The following ZNF726 variants were observed in gnomAD, a reference collection of about 807,000 sequenced individuals.
ZNF726 encodes zinc finger protein 92 pseudogene 3.
ZNF726 carries 15 observed loss-of-function variants against 11.6 expected under a neutral mutation model. That is an observed-to-expected ratio of 1.29 (90% CI 0.86 to 1.99). ZNF726 has a LOEUF of 1.99. Among genes scored for constraint, ZNF726 ranks in the 30% most tolerant of loss-of-function variants. ZNF726 has a pLI of 0.00. For missense variants in ZNF726, 890 were observed against 725.6 expected (o/e 1.23, Z -2.60); for synonymous variants, 295 against 243.6 (o/e 1.21, Z -1.96).
At chr19:23,929,172 A>G (rs1353524437) in intron 3 of ZNF726, 4 of 152,006 alleles carry the variant, frequency 2.6e-5, no homozygotes, top group African/African-American at 9.7e-5. Context: ...CCTCAGTGGT[A>G]TTTTTTATAT....
intron 3 of ZNF726, among the ~76,000 whole-genome samples, chr19:23,930,199 A>T (rs1359253340): frequency 6.6e-6 from 1 of 152,172 alleles, no homozygotes; most frequent in Non-Finnish European, 1.5e-5. Flanking sequence ...AATACATTTA[A>T]ATCAAATATT....
downstream of ZNF726, among the ~76,000 whole-genome samples, chr19:23,936,694 T>C: frequency 6.7e-6 from 1 of 148,812 alleles, no homozygotes; most frequent in Admixed American, 6.6e-5. Flanking sequence ...TTATGCATTA[T>C]CATGAAAGAA....
intron 3 of ZNF726, chr19:23,923,969 T>C (rs1967920474): frequency 6.6e-6 from 1 of 152,206 alleles, no homozygotes; most frequent in South Asian, 2.1e-4. Context: ...AGTCAAATTA[T>C]ATATATGTGT....
chr19:23,941,777 C>T (rs1968342740), intron 3 of ZNF726, among the ~76,000 whole-genome samples: 1 of 151,900 alleles, frequency 6.6e-6, no homozygotes, highest in South Asian at 2.1e-4. Flanking sequence ...TCATAGTAGC[C>T]TTGAATAATT....
rs199925336 is a variant in ZNF726, at chr19:23,930,971, CTTCTTTTT to C, written c.227-1362_227-1355del. ...CGTATTAAACAGCTACCAATTTTTC[CTTCTTTTT>C]TTCTTTTTTGAGATGGAGTCTTATT... On this transcript the variant is annotated intron_variant, in intron 3 of 3. Coordinates refer to ENST00000594466, the MANE Select transcript of ZNF726 (RefSeq NM_001244038.2). Among the ~76,000 whole-genome samples the C allele has an allele frequency of 4.9e-4, 75 of 152,074 alleles. No homozygotes were observed. In the East Asian group the frequency reaches 0.013, roughly 27 times the overall value.
At chr19:23,935,535 G>T, downstream of ZNF726, 1 of 361,000 alleles carries the variant, frequency 2.8e-6, no homozygotes, top group Admixed American at 3.6e-5. Flanking sequence ...ATACTGAAGA[G>T]AAACTCTACA....
chr19:23,919,262 C>G (rs1324366390), intron 1 of ZNF726, 111 bp from the exon 2 acceptor site: 2 of 1,505,218 alleles, frequency 1.3e-6, no homozygotes, highest in African/African-American at 1.4e-5. Flanking sequence ...ATTTCAGTCC[C>G]TCTTATAAGT....
Position 23,932,452 on chromosome 19 carries a change from G to A in ZNF726, c.336G>A (p.Gln112=), listed in dbSNP as rs1462799771. The change falls in exon 4 of 4, where the codon CAG becomes CAA. Residue 112 remains glutamine, a synonymous_variant. Coordinates refer to ENST00000594466, the MANE Select transcript of ZNF726 (RefSeq NM_001244038.2). ...RFEKCGHENL[Q]LRKGCKSVDE... Reference sequence around the variant, plus strand: ...AAAAATGTGGACATGAGAATTTACAGTTAAGAAAAGGTTGTAAAAGTGTGG... The same window carrying A: ...AAAAATGTGGACATGAGAATTTACAATTAAGAAAAGGTTGTAAAAGTGTGG... The A allele has an allele frequency of 6.3e-7, 1 of 1,575,562 alleles. No homozygotes were observed. Among genetic ancestry groups the A allele is most frequent in the South Asian group, 1.2e-5 (1 of 82,332 alleles).
chr19:23,939,621 C>T (rs547765267), intron 3 of ZNF726, among the ~76,000 whole-genome samples: 1 of 152,212 alleles, frequency 6.6e-6, no homozygotes, highest in East Asian at 1.9e-4. Context: ...AGCGGCTGTA[C>T]TAGTTTAGAT....
rs113791378 is a variant in ZNF726, at chr19:23,933,956, A to G, written c.1840A>G (p.Ile614Val). ...CTCAACCCTTTTTAAGCATAAGAGG[A>G]TTCATACTTGAGAGAAACCTTAAAA... ...WSSTLFKHKR[I>V]HT is the part of the protein sequence containing the mutation. Residue 614 changes from isoleucine (I) to valine (V), a missense_variant, in exon 4 of 4, where the codon ATT becomes GTT. Transcript: ENST00000594466. 128 of 1,578,082 alleles carry G rather than the reference A, an allele frequency of 8.1e-5. No homozygotes were observed. Among genetic ancestry groups the G allele is most frequent in the Admixed American group, 4.8e-4 (26 of 54,084 alleles).
intron 1 of ZNF726, chr19:23,918,987 T>G (rs2144959214): frequency 5.3e-6 from 1 of 189,538 alleles, no homozygotes; most frequent in South Asian, 9.8e-5. Context: ...ACATTTAAAT[T>G]TGAGTGGTAC....
At chr19:23,936,034 T>C (rs967255008), downstream of ZNF726, 3 of 152,216 alleles carry the variant, frequency 2.0e-5, no homozygotes, top group Admixed American at 6.5e-5. Context: ...GAGGCAGTTA[T>C]TAAAATTTTG....
rs139196159 is a variant in ZNF726, at chr19:23,924,008, A to G, written c.226+3926A>G. 365 of 151,646 alleles carry G rather than the reference A, an allele frequency of 2.4e-3. 2 individuals are homozygous for G. The highest frequency in any genetic ancestry group is 8.6e-3 in the African/African-American group (354 of 41,368). 9.4% of individuals were successfully genotyped at this position (151,646 alleles called of 1,614,324 possible). The stretch of plus-strand genomic sequence containing the variant: ...TGTTTATATCTATAAATATGACCCC[A>G]ATTTTGGTTATACCTTGTATATATT... On this transcript the variant is annotated intron_variant, in intron 3 of 3. Coordinates refer to ENST00000594466, the MANE Select transcript of ZNF726 (RefSeq NM_001244038.2).
At chr19:23,931,398 CG>C (rs1968102156) in intron 3 of ZNF726, among the ~76,000 whole-genome samples, 1 of 152,062 alleles carries the variant, frequency 6.6e-6, no homozygotes, top group Non-Finnish European at 1.5e-5. Flanking sequence ...TTTTTGTTCT[CG>C]TCCTCATTTT....
chr19:23,917,518 A>G (rs909755397), intron 1 of ZNF726, among the ~76,000 whole-genome samples: 2 of 151,870 alleles, frequency 1.3e-5, no homozygotes, highest in Non-Finnish European at 2.9e-5. Flanking sequence ...TCTCTGTTCA[A>G]TTTCAGCTGT....
downstream of ZNF726, among the ~76,000 whole-genome samples, chr19:23,938,599 CTTTT>C (rs1173323919): frequency 2.9e-5 from 4 of 137,124 alleles, no homozygotes; most frequent in Non-Finnish European, 6.3e-5. Flanking sequence ...GTTTTTTTTT[CTTTT>C]TTTTTTCCTT....
At chr19:23,932,312 A>G (rs1240125392) in intron 3 of ZNF726, 31 bp from the exon 4 acceptor site, 1 of 1,290,568 alleles carries the variant, frequency 7.7e-7, no homozygotes, top group South Asian at 2.9e-5. Flanking sequence ...CAGTATAGTA[A>G]GTGGAGTAAA....
At position 23,920,094 on chromosome 19, in the gene ZNF726, T is replaced by C; in HGVS notation, c.226+12T>C. 1 of 1,555,904 alleles carries C rather than the reference T, an allele frequency of 6.4e-7. No homozygotes were observed. Among genetic ancestry groups the C allele is most frequent in the Non-Finnish European group, 8.8e-7 (1 of 1,140,694 alleles). On this transcript the variant is annotated intron_variant, in intron 3 of 3. Transcript: ENST00000594466. ...GGATGAACCCCCAGGTAGGTGAGAG[T>C]GAATACAACAGATGACCTGGATGAG... is the stretch of plus-strand genomic sequence containing the variant.
At chr19:23,934,895 G>A (rs1471266043), downstream of ZNF726, among the ~76,000 whole-genome samples, 1 of 152,224 alleles carries the variant, frequency 6.6e-6, no homozygotes, top group Admixed American at 6.5e-5. Context: ...GCAGGGAAAA[G>A]ATACCTGATA....
Sources: allele counts gnomAD v4.1 joint callset (sites outside exome capture counted in the v4.1 genomes callset), GRCh38; gene constraint gnomAD v4.1.1; transcripts MANE v1.5; gene names NCBI Gene and HGNC (gene_info 2026-07-23, HGNC 2026-07-21).